Variants in SEMA3A observed in about 807,000 individuals in gnomAD.
The protein encoded by SEMA3A is semaphorin 3A.
Under a neutral mutation model 97.9 loss-of-function variants are expected in SEMA3A, and 29 were observed. The ratio of observed to expected loss-of-function variants is 0.30; its 90% CI spans 0.22 to 0.40. The LOEUF (loss-of-function observed/expected upper bound fraction) is 0.40. Ranked by LOEUF, SEMA3A falls within the 10% of genes least tolerant of loss-of-function variation. The probability of loss-of-function intolerance (pLI) is 1.00; values close to 1 mark genes in which losing one functional copy is unlikely to be tolerated. For missense variants in SEMA3A, 763 were observed against 951.3 expected, an observed-to-expected ratio of 0.80 and a Z score of 2.60; for synonymous variants, 321 against 323.7, an observed-to-expected ratio of 0.99 and a Z score of 0.09.
intron 3 of SEMA3A, among the ~76,000 whole-genome samples, chr7:84,276,978 T>C (rs1800312898): frequency 1.3e-5 from 2 of 152,120 alleles, no homozygotes; most frequent in South Asian, 4.1e-4. Flanking sequence ...GGTAAAGCAT[T>C]AGGCCACTTA....
At chr7:84,310,133 T>C (rs1265432033) in intron 2 of SEMA3A, among the ~76,000 whole-genome samples, 1 of 152,130 alleles carries the variant, frequency 6.6e-6, no homozygotes, top group African/African-American at 2.4e-5. Flanking sequence ...CTATTCCACA[T>C]TGACTCAATG....
intron 1 of SEMA3A, among the ~76,000 whole-genome samples, chr7:84,472,093 TATA>T (rs1373352194): frequency 2.0e-5 from 3 of 152,084 alleles, no homozygotes; most frequent in Non-Finnish European, 4.4e-5. Flanking sequence ...GTGTCCAGTC[TATA>T]ATAAAATATT....
In SEMA3A at chr7:84,413,368, C is replaced by A. The variant is rs529655672; in HGVS notation, c.-245-41468G>T. 3.3e-5 allele frequency among the ~76,000 whole-genome samples: 5 copies of A among 152,198 alleles called. No individual in the cohort carries two copies. In the South Asian group the frequency reaches 8.3e-4, roughly 25 times the overall value. On this transcript the variant is annotated intron_variant, in intron 1 of 3. Coordinates refer to the SEMA3A transcript ENST00000424555. Reference sequence around the variant, plus strand: ...GCAGGCCGAGTGTGGTGCCTCATACCTGTAATCTCAGCACTTTAGGAGGCT... The same window carrying A: ...GCAGGCCGAGTGTGGTGCCTCATACATGTAATCTCAGCACTTTAGGAGGCT...
intron 1 of SEMA3A, among the ~76,000 whole-genome samples, chr7:84,397,386 C>T (rs919407740): frequency 1.4e-5 from 2 of 147,702 alleles, no homozygotes. Context: ...CAAAGCAAAA[C>T]AAAAACCAAA....
At chr7:84,164,178 A>G (rs752533742) in intron 1 of SEMA3A, among the ~76,000 whole-genome samples, 8 of 152,178 alleles carry the variant, frequency 5.3e-5, no homozygotes, top group Non-Finnish European at 1.0e-4. Flanking sequence ...ATGTTTCATC[A>G]TAAAACCAAA....
At chr7:84,408,389 A>C (rs1307717556) in intron 1 of SEMA3A, among the ~76,000 whole-genome samples, 1 of 151,858 alleles carries the variant, frequency 6.6e-6, no homozygotes. Context: ...AAAGTCAGGA[A>C]ACAACAGGTG....
chr7:84,200,083 C>T (rs1425179198), upstream of SEMA3A, among the ~76,000 whole-genome samples: 1 of 151,862 alleles, frequency 6.6e-6, no homozygotes, highest in Non-Finnish European at 1.5e-5. Flanking sequence ...ATGCCCTGAC[C>T]CACCCTCATC....
At chr7:84,042,308 C>T (rs192016491) in intron 6 of SEMA3A, among the ~76,000 whole-genome samples, 38 of 152,138 alleles carry the variant, frequency 2.5e-4, no homozygotes, top group Admixed American at 2.1e-3. Context: ...TCTACAGGCA[C>T]GATCCTTTTA....
At chr7:84,036,200 C>G (rs549814155) in intron 6 of SEMA3A, among the ~76,000 whole-genome samples, 1 of 152,088 alleles carries the variant, frequency 6.6e-6, no homozygotes, top group African/African-American at 2.4e-5. Context: ...CTCCCTTACT[C>G]TATGAGTTAA....
At chr7:84,352,528 A>C (rs959174222) in intron 2 of SEMA3A, among the ~76,000 whole-genome samples, 3 of 151,764 alleles carry the variant, frequency 2.0e-5, no homozygotes, top group African/African-American at 4.8e-5. Flanking sequence ...TGTACCCATA[A>C]AAATAAAAAT....
chr7:84,234,227 C>G (rs1197364191), intron 3 of SEMA3A, among the ~76,000 whole-genome samples: 1 of 151,486 alleles, frequency 6.6e-6, no homozygotes, highest in Non-Finnish European at 1.5e-5. Flanking sequence ...TTTAAAAATC[C>G]TACAACCTAA....
intron 1 of SEMA3A, among the ~76,000 whole-genome samples, chr7:84,136,917 G>C (rs1584021100): frequency 6.8e-6 from 1 of 148,086 alleles, no homozygotes; most frequent in Non-Finnish European, 1.5e-5. Flanking sequence ...ACAAAAAAAA[G>C]AAGAAGGGGA....
intron 2 of SEMA3A, among the ~76,000 whole-genome samples, chr7:84,330,459 T>A (rs573162056): frequency 2.8e-4 from 42 of 152,080 alleles, no homozygotes; most frequent in Non-Finnish European, 4.9e-4. Context: ...CTGACTTAAA[T>A]GTTTCCAATG....
chr7:84,416,176 G>A (rs1044220274), intron 1 of SEMA3A, among the ~76,000 whole-genome samples: 3 of 152,072 alleles, frequency 2.0e-5, no homozygotes, highest in Non-Finnish European at 2.9e-5. Context: ...GTTGTCAGAG[G>A]AACACAGTGG....
intron 1 of SEMA3A, among the ~76,000 whole-genome samples, chr7:84,401,436 C>CTATA (rs1219534794): frequency 6.7e-6 from 1 of 149,402 alleles, no homozygotes; most frequent in African/African-American, 2.5e-5. Context: ...CGAATGCAGT[C>CTATA]TATAGATTCA....
intron 12 of SEMA3A, among the ~76,000 whole-genome samples, chr7:83,991,928 C>T (rs546556078): frequency 6.6e-4 from 97 of 147,914 alleles, no homozygotes; most frequent in East Asian, 2.4e-3. Context: ...TGTTAGAATT[C>T]GGCTGTGAAT....
chr7:84,322,888 T>C (rs1801684047), intron 2 of SEMA3A, among the ~76,000 whole-genome samples: 2 of 152,180 alleles, frequency 1.3e-5, no homozygotes, highest in South Asian at 4.1e-4. Flanking sequence ...GGCTTCCATT[T>C]CTAATACTGA....
At chr7:83,983,542 CAG>C (rs60115073) in intron 13 of SEMA3A, among the ~76,000 whole-genome samples, 15,618 of 151,732 alleles carry the variant, frequency 0.1, 1,163 homozygotes, top group African/African-American at 0.2. Flanking sequence ...AGGGGAGAAA[CAG>C]AGAAATAGTA....
At chr7:84,009,021 C>A (rs1790777364) in intron 9 of SEMA3A, among the ~76,000 whole-genome samples, 1 of 152,148 alleles carries the variant, frequency 6.6e-6, no homozygotes, top group South Asian at 2.1e-4. Context: ...ATACAAATAT[C>A]CATTCTATTG....
Sources: allele counts gnomAD v4.1 joint callset (sites outside exome capture counted in the v4.1 genomes callset), GRCh38; gene constraint gnomAD v4.1.1; transcripts MANE v1.5; gene names NCBI Gene and HGNC (gene_info 2026-07-23, HGNC 2026-07-21).